Variants in TBC1D5 observed in about 807,000 individuals in gnomAD.
TBC1D5 encodes the protein TBC1 domain family member 5.
TBC1D5 carries 75 observed loss-of-function variants against 100.3 expected under a neutral mutation model. The observed-to-expected ratio is 0.75, with a 90% CI of 0.62 to 0.91. The LOEUF (loss-of-function observed/expected upper bound fraction) is 0.91. TBC1D5 is among the 40% of genes least tolerant of loss of function. The probability of loss-of-function intolerance (pLI) is 0.00; values close to 1 mark genes in which losing one functional copy is unlikely to be tolerated. For synonymous variants in TBC1D5, 323 were observed against 325.6 expected (o/e 0.99, Z 0.09); for missense variants, 910 against 942.4 (o/e 0.97, Z 0.45).
intron 18 of TBC1D5, among the ~76,000 whole-genome samples, chr3:17,186,684 T>C (rs1203263885): frequency 9.4e-6 from 1 of 106,712 alleles, no homozygotes; most frequent in Non-Finnish European, 1.7e-5. Flanking sequence ...CACTCCAGCC[T>C]GGGCGACAGA....
intron 2 of TBC1D5, among the ~76,000 whole-genome samples, chr3:17,535,489 T>G (rs897166248): frequency 1.3e-5 from 2 of 152,184 alleles, no homozygotes; most frequent in Admixed American, 1.3e-4. Flanking sequence ...ATTTCAGCAG[T>G]GCCATGTGTG....
chr3:17,400,436 C>T (rs1348351867), intron 8 of TBC1D5, among the ~76,000 whole-genome samples: 3 of 152,000 alleles, frequency 2.0e-5, no homozygotes, highest in African/African-American at 7.3e-5. Flanking sequence ...TAAGACTAAC[C>T]GCCTTACCTC....
At chr3:17,269,587 AC>A (rs911939211) in intron 15 of TBC1D5, among the ~76,000 whole-genome samples, 1 of 152,102 alleles carries the variant, frequency 6.6e-6, no homozygotes, top group African/African-American at 2.4e-5. Context: ...TAATCCCATT[AC>A]CCAGATGGTG....
chr3:17,223,343 G>A (rs11914903), intron 17 of TBC1D5, among the ~76,000 whole-genome samples: 28,440 of 152,036 alleles, frequency 0.19, 3,149 homozygotes, highest in East Asian at 0.49. Flanking sequence ...CCGCAAAAAA[G>A]TCAGAAAATT....
In TBC1D5 at chr3:17,171,065, A is replaced by C. The variant is rs572716217; in HGVS notation, c.1853-3237T>G. On this transcript the variant is annotated intron_variant, in intron 19 of 21. Transcript: ENST00000253692. ...GCCACATTGCCCGAAAAACCTGTGAACCAGGAAGTCCTAGTCATGCCCTGT... is the reference window on the plus strand; with the variant it reads ...GCCACATTGCCCGAAAAACCTGTGACCCAGGAAGTCCTAGTCATGCCCTGT... 3.9e-4 allele frequency among the ~76,000 whole-genome samples: 59 copies of C among 152,320 alleles called. 1 individual carries two copies. The highest frequency in any genetic ancestry group is 2.0e-3 in the Admixed American group (30 of 15,296).
intron 2 of TBC1D5, among the ~76,000 whole-genome samples, chr3:17,606,401 G>T (rs573148047): frequency 7.2e-5 from 11 of 152,126 alleles, no homozygotes; most frequent in Admixed American, 7.2e-4. Context: ...AGTGAGCGGT[G>T]ATTGCACTGC....
intron 13 of TBC1D5, chr3:17,333,246 T>C (rs1381975214): frequency 6.6e-6 from 1 of 152,234 alleles, no homozygotes; most frequent in Non-Finnish European, 1.5e-5. Flanking sequence ...TTGTAAACAA[T>C]TTAAACACTG....
intron 4 of TBC1D5, among the ~76,000 whole-genome samples, chr3:17,421,614 A>G (rs1020870293): frequency 6.6e-6 from 1 of 152,180 alleles, no homozygotes; most frequent in African/African-American, 2.4e-5. Flanking sequence ...AAAGGTGAAA[A>G]AAGTTAACAG....
chr3:17,547,765 CAT>C (rs1224183758), intron 2 of TBC1D5, among the ~76,000 whole-genome samples: 1 of 152,142 alleles, frequency 6.6e-6, no homozygotes, highest in Middle Eastern at 3.2e-3. Context: ...TCACACTGCA[CAT>C]GAGGATAGTT....
At chr3:17,504,599 C>T (rs2095824926) in intron 3 of TBC1D5, among the ~76,000 whole-genome samples, 1 of 152,080 alleles carries the variant, frequency 6.6e-6, no homozygotes, top group African/African-American at 2.4e-5. Context: ...AGAAGACAGC[C>T]ATGCACATCA....
At chr3:17,358,300 T>G (rs1323240264) in intron 13 of TBC1D5, among the ~76,000 whole-genome samples, 14 of 152,188 alleles carry the variant, frequency 9.2e-5, no homozygotes, top group Non-Finnish European at 1.3e-4. Context: ...TTCTCCTGCC[T>G]CAGCCTCCTG....
intron 1 of TBC1D5, among the ~76,000 whole-genome samples, chr3:17,732,064 T>C (rs1016842791): frequency 6.6e-6 from 1 of 152,110 alleles, no homozygotes; most frequent in Non-Finnish European, 1.5e-5. Context: ...ACACCTGTAA[T>C]CCCAGCACTT....
chr3:17,598,000 GC>G (rs1251177124), intron 2 of TBC1D5, among the ~76,000 whole-genome samples: 2 of 113,508 alleles, frequency 1.8e-5, no homozygotes, highest in East Asian at 2.0e-4. Context: ...GCCATTCCCT[GC>G]CCCCCCGCCC....
intron 1 of TBC1D5, among the ~76,000 whole-genome samples, chr3:17,705,304 C>T (rs1344267423): frequency 3.4e-4 from 38 of 110,760 alleles, no homozygotes; most frequent in Admixed American, 5.0e-4. Context: ...GCTGACCCCC[C>T]CACCTCCCTC....
At chr3:17,176,022 A>G (rs2067685924) in intron 19 of TBC1D5, among the ~76,000 whole-genome samples, 1 of 152,194 alleles carries the variant, frequency 6.6e-6, no homozygotes, top group African/African-American at 2.4e-5. Flanking sequence ...ATCATTAGCT[A>G]AAGAGAGTTG....
At chr3:17,480,049 C>T (rs938916299) in intron 3 of TBC1D5, among the ~76,000 whole-genome samples, 3 of 152,154 alleles carry the variant, frequency 2.0e-5, no homozygotes, top group South Asian at 2.1e-4. Flanking sequence ...TCCTGGTGTC[C>T]GCTCTCTGGA....
intron 1 of TBC1D5, among the ~76,000 whole-genome samples, chr3:17,640,595 G>A (rs978960907): frequency 6.6e-6 from 1 of 151,946 alleles, no homozygotes; most frequent in African/African-American, 2.4e-5. Context: ...AACTAATTTA[G>A]TCATTATACC....
intron 15 of TBC1D5, among the ~76,000 whole-genome samples, chr3:17,284,642 C>G (rs17838675): frequency 0.013 from 1,980 of 152,204 alleles, 34 homozygotes; most frequent in African/African-American, 0.045. Flanking sequence ...CTAGGAAAAC[C>G]TTAAAGTATT....
At chr3:17,296,915 T>G (rs1274363594) in intron 14 of TBC1D5, among the ~76,000 whole-genome samples, 2 of 152,226 alleles carry the variant, frequency 1.3e-5, no homozygotes, top group African/African-American at 4.8e-5. Context: ...TGTTTGGGCT[T>G]GGAAAAAGAT....
Sources: gnomAD v4.1 joint callset for allele counts (sites outside exome capture counted in the v4.1 genomes callset) on GRCh38, gnomAD v4.1.1 for gene constraint, MANE v1.5 for transcripts, NCBI Gene and HGNC (gene_info 2026-07-23, HGNC 2026-07-21) for gene names.